SYT3: variants seen among roughly 807,000 people sequenced by gnomAD.
The protein encoded by SYT3 is synaptotagmin 3.
SYT3 carries 25 observed loss-of-function variants against 50.6 expected under a neutral mutation model. That is an observed-to-expected ratio of 0.49 (90% confidence interval 0.36 to 0.69). The LOEUF is 0.69. Ranked by LOEUF, SYT3 falls within the 30% of genes least tolerant of loss-of-function variation. SYT3 has a pLI of 0.00. For missense variants in SYT3, 589 were observed against 793.6 expected, an observed-to-expected ratio of 0.74 and a Z score of 3.10; for synonymous variants, 323 against 353.9, an observed-to-expected ratio of 0.91 and a Z score of 0.98.
chr19:50,653,561 G>A, the SYT3 span, among the ~76,000 whole-genome samples: 4 of 152,052 alleles, frequency 2.6e-5, no homozygotes, highest in East Asian at 1.9e-4. Flanking sequence ...CCTGGAGTAA[G>A]TGTCTACCGC....
upstream of SYT3, among the ~76,000 whole-genome samples, chr19:50,641,710 G>A (rs1411168244): frequency 1.3e-5 from 2 of 151,964 alleles, no homozygotes; most frequent in Non-Finnish European, 2.9e-5. Context: ...GCTGGGTGTG[G>A]TGATGCATGC....
At chr19:50,641,082 A>T (rs948672666), upstream of SYT3, among the ~76,000 whole-genome samples, 2 of 151,796 alleles carry the variant, frequency 1.3e-5, no homozygotes, top group African/African-American at 4.8e-5. Context: ...AAACCAAAAC[A>T]AAACCAAACT....
At position 50,629,328 on chromosome 19, in the gene SYT3, C is replaced by T. The variant is rs368534907; in HGVS notation, c.1247G>A (p.Arg416His). ...CTCCACGATGTCCCTCCAGAGCGGG[C>T]GGTCAGGGGGCTGCTCGGCCAGCTC... ...LLELAEQPPDRPLWRDIVEGG... is the reference protein window; with the variant it reads ...LLELAEQPPDHPLWRDIVEGG... Residue 416 changes from arginine (R) to histidine (H), a missense_variant, in exon 6 of 11, where the codon CGC (arginine) becomes CAC (histidine). By Grantham distance (29) the Arg-to-His change is conservative. Around this residue, in one of 2 missense-constraint regions of SYT3, gnomAD observed 273 missense variants for 439.3 expected, o/e 0.62. Transcript: ENST00000600079. 1.1e-5 allele frequency: 18 copies of T among 1,611,594 alleles called. No individual in the cohort carries two copies. Among genetic ancestry groups the T allele is most frequent in the South Asian group, 8.8e-5 (8 of 90,722 alleles).
chr19:50,625,720 GTCC>G lies in SYT3; in HGVS notation c.1403-159_1403-157del, dbSNP rs1984028101. 6.7e-6 allele frequency among the ~76,000 whole-genome samples: 1 copy of G among 149,118 alleles called. No homozygotes were observed. The highest frequency in any genetic ancestry group is 2.5e-5 in the African/African-American group (1 of 40,300). ...TCAGGCCCAAGAGTCCAGACCCCAG[GTCC>G]TCCTCTCTCCGACCCAGGAGTCCAG... On this transcript the variant is annotated intron_variant, in intron 7 of 10. Coordinates refer to ENST00000600079, the MANE Select transcript of SYT3 (RefSeq NM_001160329.2). This position sits in a 1 kb window ranked among gnomAD's most constrained non-coding sequence, Gnocchi z 7.5.
At chr19:50,653,569 C>T in the SYT3 span, among the ~76,000 whole-genome samples, 7 of 151,742 alleles carry the variant, frequency 4.6e-5, no homozygotes, top group East Asian at 1.9e-4. Context: ...AAGTGTCTAC[C>T]GCACGTGTGT....
upstream of SYT3, among the ~76,000 whole-genome samples, chr19:50,642,399 G>C (rs1984696341): frequency 6.6e-6 from 1 of 152,250 alleles, no homozygotes; most frequent in African/African-American, 2.4e-5. Context: ...TAGTGCACTG[G>C]TTTTCTGTGT....
chr19:50,649,905 C>T, the SYT3 span: 1 of 452,760 alleles, frequency 2.2e-6, no homozygotes, highest in Admixed American at 2.4e-5. Context: ...AACCCAGTCA[C>T]TGGTGCCATC....
chr19:50,656,302 A>C, the SYT3 span: 1 of 1,536,152 alleles, frequency 6.5e-7, no homozygotes, highest in South Asian at 1.2e-5. Flanking sequence ...GAAGTTCCCC[A>C]CACCACCAGC....
At chr19:50,649,394 C>T in the SYT3 span, 1 of 1,525,808 alleles carries the variant, frequency 6.6e-7, no homozygotes, top group East Asian at 2.4e-5. Context: ...GTGGCCCAGG[C>T]AGAGCCTCTC....
At chr19:50,641,112 A>G (rs10423347), upstream of SYT3, among the ~76,000 whole-genome samples, 123,332 of 148,428 alleles carry the variant, frequency 0.83, 52,478 homozygotes, top group African/African-American at 0.96. Flanking sequence ...GGTGGCGTGC[A>G]CCTGTAGTCC....
rs1278585988 is a variant in SYT3 at position 50,632,114 on chromosome 19, C to T, written c.674+172G>A. On this transcript the variant is annotated intron_variant, in intron 4 of 10. Coordinates refer to ENST00000600079, the MANE Select transcript of SYT3 (RefSeq NM_001160329.2). This position sits in a 1 kb window ranked among gnomAD's most constrained non-coding sequence, Gnocchi z 4.7. ...AGGGGTCTAGACCCCACAGCCCCAA[C>T]CTCCCTCAGATCCAGGAGTCTAGGG... 6.6e-6 allele frequency among the ~76,000 whole-genome samples: 1 copy of T among 152,130 alleles called. No homozygotes were observed.
At position 50,629,301 on chromosome 19, in the gene SYT3, C is replaced by T; in HGVS notation, c.1274G>A (p.Gly425Asp). 1 of 1,602,074 alleles carries T rather than the reference C, an allele frequency of 6.2e-7. No homozygotes were observed. Residue 425 changes from glycine (G) to aspartate (D), a missense_variant, in exon 6 of 11, where the codon GGC becomes GAC. Around this residue, in one of 2 missense-constraint regions of SYT3, gnomAD observed 273 missense variants for 439.3 expected, o/e 0.62. Coordinates refer to ENST00000600079, the MANE Select transcript of SYT3 (RefSeq NM_001160329.2). ...DRPLWRDIVE[G>D]GSEKADLGEL... Reference sequence around the variant, plus strand: ...GGGGAGAGGGCCACTGACCGAGCCGCCCTCCACGATGTCCCTCCAGAGCGG... The same window carrying T: ...GGGGAGAGGGCCACTGACCGAGCCGTCCTCCACGATGTCCCTCCAGAGCGG...
At chr19:50,648,632 A>G in the SYT3 span, among the ~76,000 whole-genome samples, 2 of 151,714 alleles carry the variant, frequency 1.3e-5, no homozygotes, top group African/African-American at 4.8e-5. Context: ...CCTCCCTCAG[A>G]CCCAGGAGTC....
At position 50,637,326 on chromosome 19, in the gene SYT3, G is replaced by T; in HGVS notation, c.86C>A (p.Thr29Asn). The change falls in exon 3 of 11, where the codon ACC (threonine) becomes AAC (asparagine). Residue 29 changes from threonine (T) to asparagine (N), a missense_variant. Around this residue, in one of 2 missense-constraint regions of SYT3, gnomAD observed 316 missense variants for 354.3 expected, o/e 0.89. Transcript: ENST00000600079. This position sits in a 1 kb window ranked among gnomAD's most constrained non-coding sequence, Gnocchi z 4.9. ...DLCARVRDAD[T>N]NDRCQEFNDR... ...ATTGAACTCCTGGCACCTGTCGTTG[G>T]TGTCAGCATCTCGGACCCGCGCACA... 1.2e-6 allele frequency: 2 copies of T among 1,613,488 alleles called. No individual in the cohort carries two copies. Among genetic ancestry groups the T allele is most frequent in the Non-Finnish European group, 1.7e-6 (2 of 1,179,936 alleles).
rs774395780 is a variant in SYT3 at position 50,629,847 on chromosome 19, G to C, written c.999C>G (p.Gly333=). ...ALDLPAKDSN[G]FSDPYVKIYL... ...AGATCTTGACGTAGGGGTCTGAGAAGCCGTTGGAGTCCTTGGCAGGGAGGT... is the reference window on the plus strand; with the variant it reads ...AGATCTTGACGTAGGGGTCTGAGAACCCGTTGGAGTCCTTGGCAGGGAGGT... The change falls in exon 5 of 11, where the codon GGC becomes GGG. Residue 333 remains glycine (G), a synonymous_variant. Transcript: ENST00000600079. 4.3e-6 allele frequency: 7 copies of C among 1,614,174 alleles called. No individual in the cohort carries two copies. The Admixed American group carries it at 6.7e-5, about 15-fold the overall frequency.
the SYT3 span, among the ~76,000 whole-genome samples, chr19:50,653,723 CACACACACA>C: frequency 6.8e-6 from 1 of 146,494 alleles, no homozygotes; most frequent in Non-Finnish European, 1.5e-5. Flanking sequence ...CACACACACA[CACACACACA>C]CACACACACG....
Position 50,625,309 on chromosome 19 carries a change from C to T in SYT3, c.1575-15G>A. 6.5e-7 allele frequency: 1 copy of T among 1,532,094 alleles called. No homozygotes were observed. Among genetic ancestry groups the T allele is most frequent in the Non-Finnish European group, 8.8e-7 (1 of 1,140,972 alleles). The allele number at this position is 1,532,094 out of a possible 1,614,324, so 94.9% of individuals were successfully genotyped here. On this transcript the variant is annotated splice_polypyrimidine_tract_variant and intron_variant, in intron 8 of 10. Coordinates refer to ENST00000600079, the MANE Select transcript of SYT3 (RefSeq NM_001160329.2). This position sits in a 1 kb window ranked among gnomAD's most constrained non-coding sequence, Gnocchi z 7.5. The stretch of plus-strand genomic sequence containing the variant: ...TGTGCCCGATGCTGGGGGTTGGGGT[C>T]AGTGAGGACCGTGGAGGGTGGTGGG...
Position 50,625,020 on chromosome 19 carries a change from C to T in SYT3, c.1707+142G>A, listed in dbSNP as rs929823906. On this transcript the variant is annotated intron_variant, in intron 9 of 10. Coordinates refer to ENST00000600079, the MANE Select transcript of SYT3 (RefSeq NM_001160329.2). This position sits in a 1 kb window ranked among gnomAD's most constrained non-coding sequence, Gnocchi z 7.5. ...CTTGGGTAACTGGCTCTAAGCCGCA[C>T]AGCTAAAGTTGGCACAGCAGGGATT... 4 of 911,708 alleles carry T rather than the reference C, an allele frequency of 4.4e-6. No individual in the cohort carries two copies. In the African/African-American group the frequency reaches 6.8e-5, roughly 15 times the overall value. The allele number at this position is 911,708 out of a possible 1,614,324, so 56.5% of individuals were successfully genotyped here.
Position 50,630,185 on chromosome 19 carries a change from G to C in SYT3, c.675-14C>G, listed in dbSNP as rs762767627. 2.7e-6 allele frequency: 4 copies of C among 1,505,770 alleles called. No homozygotes were observed. The highest frequency in any genetic ancestry group is 4.6e-5 in the Admixed American group (2 of 43,206). 93.3% of individuals were successfully genotyped at this position (1,505,770 alleles called of 1,614,324 possible). On this transcript the variant is annotated splice_polypyrimidine_tract_variant and intron_variant, in intron 4 of 10. Transcript: ENST00000600079. Reference sequence around the variant, plus strand: ...AGGGCTGGGTACCTGTAGGGGGTTGGGGGGAGACCAAGGTGAGGTCAGTGG... The same window carrying C: ...AGGGCTGGGTACCTGTAGGGGGTTGCGGGGAGACCAAGGTGAGGTCAGTGG...
Sources: allele counts gnomAD v4.1 joint callset (sites outside exome capture counted in the v4.1 genomes callset), GRCh38; gene constraint gnomAD v4.1.1; regional missense constraint gnomAD v4.1.1; non-coding constraint Gnocchi (gnomAD v3.1); transcripts MANE v1.5; gene names NCBI Gene and HGNC (gene_info 2026-07-23, HGNC 2026-07-21).